PRAMEF1: variants seen among roughly 807,000 people sequenced by gnomAD.
PRAMEF1 encodes PRAME family member 1.
A neutral mutation model predicts 38.2 loss-of-function variants in PRAMEF1; 21 were observed. That is an observed-to-expected ratio of 0.55 (90% confidence interval 0.39 to 0.79). PRAMEF1 has a LOEUF of 0.79. PRAMEF1 is among the 30% of genes least tolerant of loss of function. The pLI is 0.00. For synonymous variants in PRAMEF1, 200 were observed against 229.0 expected, an observed-to-expected ratio of 0.87 and a Z score of 1.14; for missense variants, 497 against 565.8, an observed-to-expected ratio of 0.88 and a Z score of 1.23.
intron 1 of PRAMEF1, among the ~76,000 whole-genome samples, chr1:12,791,833 A>G (rs1001098281): frequency 2.0e-5 from 3 of 150,754 alleles, no homozygotes; most frequent in Non-Finnish European, 3.0e-5. Context: ...TTTCATTTTC[A>G]TAAAATCCTT....
intron 3 of PRAMEF1, chr1:12,794,752 C>G: frequency 7.2e-7 from 1 of 1,394,022 alleles, no homozygotes; most frequent in Non-Finnish European, 9.5e-7. Flanking sequence ...GTGGGGGTTT[C>G]AGCTCTATTG....
In PRAMEF1 at chr1:12,794,834, A is replaced by G; in HGVS notation, c.866+341A>G. 3 of 1,324,106 alleles carry G rather than the reference A, an allele frequency of 2.3e-6. No individual in the cohort carries two copies. The South Asian group carries it at 4.0e-5, about 18-fold the overall frequency. 82.0% of individuals were successfully genotyped at this position (1,324,106 alleles called of 1,614,324 possible). On this transcript the variant is annotated intron_variant, in intron 3 of 3. Coordinates refer to ENST00000332296, the MANE Select transcript of PRAMEF1 (RefSeq NM_023013.4). Reference sequence around the variant, plus strand: ...TATGATGTCAAAGAGATAATAGAGGAGGGTATGAAAGGAGGGAAAGCGCAT... The same window carrying G: ...TATGATGTCAAAGAGATAATAGAGGGGGGTATGAAAGGAGGGAAAGCGCAT...
intron 3 of PRAMEF1, 142 bp downstream of exon 3, chr1:12,794,635 A>G (rs550416872): frequency 6.6e-7 from 1 of 1,524,192 alleles, no homozygotes; most frequent in East Asian, 2.3e-5. Flanking sequence ...ACATTGTCCC[A>G]TTCAGTGTTC....
At chr1:12,794,888 C>G (rs1307708113) in intron 3 of PRAMEF1, 4 of 1,327,850 alleles carry the variant, frequency 3.0e-6, no homozygotes, top group Non-Finnish European at 4.0e-6. Context: ...AATAGAACGT[C>G]TGTCCTCACC....
Position 12,794,008 on chromosome 1 carries a change from G to A in PRAMEF1, c.381G>A (p.Glu127=). The A allele has an allele frequency of 6.2e-7, 1 of 1,608,146 alleles. No homozygotes were observed. The highest frequency in any genetic ancestry group is 1.1e-5 in the South Asian group (1 of 90,458). The change falls in exon 3 of 4, where the codon GAG becomes GAA. Residue 127 remains glutamate (E), a synonymous_variant. Transcript: ENST00000332296. ...PGAWALSCFP[E]TTSKRQTAED... is the part of the protein sequence containing the mutation. ...CCTGGGCCCTGTCCTGCTTCCCAGAGACCACGAGTAAGAGGCAGACAGCAG... is the reference window on the plus strand; with the variant it reads ...CCTGGGCCCTGTCCTGCTTCCCAGAAACCACGAGTAAGAGGCAGACAGCAG...
chr1:12,792,165 G>T (rs1444638101), intron 1 of PRAMEF1, among the ~76,000 whole-genome samples: 1 of 150,718 alleles, frequency 6.6e-6, no homozygotes, highest in African/African-American at 2.4e-5. Context: ...TGGATTACAG[G>T]CACTCACCAC....
At position 12,794,545 on chromosome 1, in the gene PRAMEF1, G is replaced by C. The variant is rs371106310; in HGVS notation, c.866+52G>C. The C allele has an allele frequency of 2.4e-3, 3,909 of 1,600,654 alleles. 150 individuals carry two copies. Among genetic ancestry groups the C allele is most frequent in the South Asian group, 0.014 (1,255 of 89,700 alleles). ...GCAGACCACAGCATAGCCTTGTTCT[G>C]TAACAGCAAACATTAGAATGCATGT... On this transcript the variant is annotated intron_variant, in intron 3 of 3. Coordinates refer to ENST00000332296, the MANE Select transcript of PRAMEF1 (RefSeq NM_023013.4).
In PRAMEF1 at chr1:12,792,237, T is replaced by G. The variant is rs4026142; in HGVS notation, c.-26+763T>G. Among the ~76,000 whole-genome samples, 132 of 151,248 alleles carry G rather than the reference T, an allele frequency of 8.7e-4. 3 individuals are homozygous for G. The highest frequency in any genetic ancestry group is 1.9e-3 in the South Asian group (9 of 4,714). On this transcript the variant is annotated intron_variant, in intron 1 of 3. Coordinates refer to ENST00000332296, the MANE Select transcript of PRAMEF1 (RefSeq NM_023013.4). ...GGGTTTTGCCATGTTGGCCATGCTGTCCTCAAACTCCTGACCTCAGGAGAT... is the reference window on the plus strand; with the variant it reads ...GGGTTTTGCCATGTTGGCCATGCTGGCCTCAAACTCCTGACCTCAGGAGAT...
intron 3 of PRAMEF1, chr1:12,795,040 A>C: frequency 1.7e-6 from 2 of 1,168,178 alleles, no homozygotes; most frequent in East Asian, 1.0e-4. Context: ...GTAAAAAGTG[A>C]CAGTTGGTTT....
At chr1:12,793,672 A>G (rs1639336142) in intron 2 of PRAMEF1, among the ~76,000 whole-genome samples, 158 bp downstream of exon 2, 4 of 151,292 alleles carry the variant, frequency 2.6e-5, no homozygotes, top group Non-Finnish European at 4.4e-5. Flanking sequence ...ATCCTCAGAG[A>G]AAGGACTGCT....
rs200695310 is a variant in PRAMEF1, at chr1:12,795,558, C to T, written c.987C>T (p.Tyr329=). The T allele has an allele frequency of 1.5e-5, 24 of 1,612,362 alleles. No homozygotes were observed. The highest frequency in any genetic ancestry group is 1.1e-4 in the South Asian group (10 of 90,988). ...ACCTAAAGCATCTGAATCTCAGCTA[C>T]GTGCTGCTGTTCCGCATCAGTCTTG... ...LGYLKHLNLS[Y]VLLFRISLEP... Residue 329 remains tyrosine, a synonymous_variant, in exon 4 of 4, where the codon TAC becomes TAT. Coordinates refer to ENST00000332296, the MANE Select transcript of PRAMEF1 (RefSeq NM_023013.4).
At chr1:12,794,718 G>A in intron 3 of PRAMEF1, 1 of 1,433,670 alleles carries the variant, frequency 7.0e-7, no homozygotes, top group East Asian at 2.7e-5. Context: ...AAGCTAGAGA[G>A]GGACATCATG....
chr1:12,795,602 T>G lies in PRAMEF1; in HGVS notation c.1031T>G (p.Leu344Arg). The change falls in exon 4 of 4, where the codon CTG (leucine) becomes CGG (arginine). Residue 344 changes from leucine to arginine, a missense_variant. Coordinates refer to ENST00000332296, the MANE Select transcript of PRAMEF1 (RefSeq NM_023013.4). ...RISLEPLGALLEKIAASLKTL... is the reference protein window; with the variant it reads ...RISLEPLGALREKIAASLKTL... The stretch of plus-strand genomic sequence containing the variant: ...AGTCTTGAACCCCTCGGAGCTCTGC[T>G]GGAGAAAATTGCTGCCTCTCTCAAA... 6.2e-7 allele frequency: 1 copy of G among 1,612,060 alleles called. No individual in the cohort carries two copies. Among genetic ancestry groups the G allele is most frequent in the Non-Finnish European group, 8.5e-7 (1 of 1,179,776 alleles).
Sources: gnomAD v4.1 joint callset for allele counts (sites outside exome capture counted in the v4.1 genomes callset) on GRCh38, gnomAD v4.1.1 for gene constraint, MANE v1.5 for transcripts, NCBI Gene and HGNC (gene_info 2026-07-23, HGNC 2026-07-21) for gene names.